The following NTN4 variants were observed in gnomAD, a reference collection of about 807,000 sequenced individuals.
NTN4 encodes the protein netrin 4.
A neutral mutation model predicts 73.6 loss-of-function variants in NTN4; 32 were observed. The observed-to-expected ratio is 0.44, with a 90% confidence interval of 0.33 to 0.58. The LOEUF is 0.58. NTN4 is among the 20% of genes least tolerant of loss of function. The probability of loss-of-function intolerance (pLI) is 0.04; values close to 1 mark genes in which losing one functional copy is unlikely to be tolerated. For synonymous variants in NTN4, 258 were observed against 287.5 expected, an observed-to-expected ratio of 0.90 and a Z score of 1.04; for missense variants, 654 against 798.3, an observed-to-expected ratio of 0.82 and a Z score of 2.18.
At chr12:95,674,864 A>G in intron 7 of NTN4, among the ~76,000 whole-genome samples, 1 of 152,228 alleles carries the variant, frequency 6.6e-6, no homozygotes, top group Non-Finnish European at 1.5e-5. Flanking sequence ...TGCTGTGGAC[A>G]TGAGAGTCTG....
intron 3 of NTN4, among the ~76,000 whole-genome samples, chr12:95,714,258 T>C (rs2078589399): frequency 6.6e-6 from 1 of 152,178 alleles, no homozygotes; most frequent in Non-Finnish European, 1.5e-5. Flanking sequence ...TAACTGAGAC[T>C]TGCAATGAAT....
chr12:95,708,963 G>C (rs2078541898), intron 5 of NTN4, among the ~76,000 whole-genome samples: 1 of 152,278 alleles, frequency 6.6e-6, no homozygotes, highest in Non-Finnish European at 1.5e-5. Flanking sequence ...AGGAGCAGGA[G>C]TAAAACAGGA....
intron 2 of NTN4, among the ~76,000 whole-genome samples, chr12:95,780,830 T>C (rs2079127262): frequency 6.6e-6 from 1 of 152,244 alleles, no homozygotes; most frequent in African/African-American, 2.4e-5. Context: ...TAAGTCATGC[T>C]GCTATAAAGA....
rs2078579149 is a variant in NTN4, at chr12:95,713,223, T to C, written c.980A>G (p.Asn327Ser). 1.9e-6 allele frequency: 3 copies of C among 1,613,458 alleles called. No individual in the cohort carries two copies. Among genetic ancestry groups the C allele is most frequent in the East Asian group, 4.5e-5 (2 of 44,854 alleles). The change falls in exon 4 of 10, where the codon AAC becomes AGC. Residue 327 changes from asparagine (N) to serine (S), a missense_variant. Physicochemically the swap from Asn to Ser is conservative, Grantham distance 46. Transcript: ENST00000343702. Reference protein sequence around the residue: ...EAADGKTGAPNECRTCKCNGH... With the variant: ...EAADGKTGAPSECRTCKCNGH... ...GGCTTGTTACTTACTTCTGCACTCG[T>C]TGGGAGCCCCCGTTTTGCCATCAGC...
rs1259380825 is a variant in NTN4, at chr12:95,787,128, C to T, written c.396G>A (p.Val132=). The T allele has an allele frequency of 6.2e-7, 1 of 1,614,076 alleles. No individual in the cohort carries two copies. The highest frequency in any genetic ancestry group is 1.3e-5 in the African/African-American group (1 of 74,916). Residue 132 remains valine, a synonymous_variant, in exon 2 of 10, where the codon GTG becomes GTA. Transcript: ENST00000343702. ...EAEFYFTHLI[V]MFKSPRPAAM... ...CAGCCGGCCTGGGGGACTTGAACAT[C>T]ACAATTAGGTGAGTGAAGTAGAATT...
rs544903169 is a variant in NTN4 at position 95,750,117 on chromosome 12, G to A, written c.586-11973C>T. On this transcript the variant is annotated intron_variant, in intron 2 of 9. Transcript: ENST00000343702. ...CTGCGCCCCAATCCCTTATTTCCACGCCCCTACCTCTTATCTCTGCGCCCC... is the reference window on the plus strand; with the variant it reads ...CTGCGCCCCAATCCCTTATTTCCACACCCCTACCTCTTATCTCTGCGCCCC... 3.3e-4 allele frequency among the ~76,000 whole-genome samples: 49 copies of A among 150,408 alleles called. No homozygotes were observed. The South Asian group carries it at 4.7e-3, about 14-fold the overall frequency.
chr12:95,754,614 C>T (rs2078935026), intron 2 of NTN4, among the ~76,000 whole-genome samples: 1 of 152,132 alleles, frequency 6.6e-6, no homozygotes, highest in African/African-American at 2.4e-5. Flanking sequence ...TGTTCCTGCC[C>T]CACCTTAACT....
intron 8 of NTN4, among the ~76,000 whole-genome samples, chr12:95,668,008 C>T (rs1043329841): frequency 1.3e-5 from 2 of 152,126 alleles, no homozygotes; most frequent in Admixed American, 1.3e-4. Context: ...TAGTGCCCGG[C>T]GTGTGGCTAA....
In NTN4 at chr12:95,755,666, G is replaced by A. The variant is rs186969990; in HGVS notation, c.586-17522C>T. Among the ~76,000 whole-genome samples the A allele has an allele frequency of 9.4e-4, 143 of 152,286 alleles. 2 individuals carry two copies. In the East Asian group the frequency reaches 0.021, roughly 23 times the overall value. The stretch of plus-strand genomic sequence containing the variant: ...ATATAACCTAATAAAGCTCTCAATG[G>A]AGCAAGCTGAAGAATGCAGTGCACT... On this transcript the variant is annotated intron_variant, in intron 2 of 9. Coordinates refer to ENST00000343702, the MANE Select transcript of NTN4 (RefSeq NM_021229.4).
chr12:95,785,099 G>A (rs2079158193), intron 2 of NTN4, among the ~76,000 whole-genome samples: 2 of 152,058 alleles, frequency 1.3e-5, no homozygotes, highest in African/African-American at 4.8e-5. Flanking sequence ...GATAAACAAG[G>A]CCCAGTAGAG....
At position 95,787,003 on chromosome 12, in the gene NTN4, A is replaced by T. The variant is rs151141571; in HGVS notation, c.521T>A (p.Val174Asp). 6.2e-7 allele frequency: 1 copy of T among 1,614,088 alleles called. No individual in the cohort carries two copies. Among genetic ancestry groups the T allele is most frequent in the African/African-American group, 1.3e-5 (1 of 74,924 alleles). ...AGTACAAATAGCGCCCTTCTTGACAACATCATCTTCCAGGCCAAATGTAGC... is the reference window on the plus strand; with the variant it reads ...AGTACAAATAGCGCCCTTCTTGACATCATCATCTTCCAGGCCAAATGTAGC... ...CSATFGLEDD[V>D]VKKGAICTSK... Residue 174 changes from valine to aspartate, a missense_variant, in exon 2 of 10, where the codon GTT (valine) becomes GAT (aspartate). Val to Asp is a radical substitution (Grantham distance 152). Coordinates refer to ENST00000343702, the MANE Select transcript of NTN4 (RefSeq NM_021229.4).
intron 2 of NTN4, among the ~76,000 whole-genome samples, chr12:95,785,483 ACAGT>A (rs2079160435): frequency 6.6e-6 from 1 of 152,208 alleles, no homozygotes; most frequent in Non-Finnish European, 1.5e-5. Flanking sequence ...AGAATGGAAA[ACAGT>A]CAGTGTGCTG....
At chr12:95,688,350 G>A (rs914890940) in intron 5 of NTN4, among the ~76,000 whole-genome samples, 4 of 152,218 alleles carry the variant, frequency 2.6e-5, no homozygotes, top group Non-Finnish European at 5.9e-5. Flanking sequence ...AATAGAAGTC[G>A]GGGAAGATTT....
At chr12:95,776,968 G>A (rs1232234940) in intron 2 of NTN4, among the ~76,000 whole-genome samples, 3 of 152,012 alleles carry the variant, frequency 2.0e-5, no homozygotes, top group Non-Finnish European at 4.4e-5. Flanking sequence ...ATCTCTTGGT[G>A]GAAACTCTGC....
chr12:95,766,221 C>A (rs1438525669), intron 2 of NTN4, among the ~76,000 whole-genome samples: 1 of 152,220 alleles, frequency 6.6e-6, no homozygotes, highest in African/African-American at 2.4e-5. Context: ...AAATTATGGG[C>A]TCCTGCCTAG....
intron 2 of NTN4, among the ~76,000 whole-genome samples, chr12:95,761,718 C>A (rs143035987): frequency 3.0e-3 from 450 of 152,266 alleles, no homozygotes; most frequent in Admixed American, 5.0e-3. Context: ...AAAACCTGGT[C>A]ACACTAGGAA....
chr12:95,673,970 T>C (rs1592656218), intron 7 of NTN4: 1 of 152,112 alleles, frequency 6.6e-6, no homozygotes, highest in Non-Finnish European at 1.5e-5. Flanking sequence ...GGAATGAGTA[T>C]AATAAAGGAG....
chr12:95,755,185 A>C (rs2078939456), intron 2 of NTN4, among the ~76,000 whole-genome samples: 1 of 152,246 alleles, frequency 6.6e-6, no homozygotes, highest in Non-Finnish European at 1.5e-5. Flanking sequence ...GTTATACTTC[A>C]ATTGACTCGT....
chr12:95,674,423 G>A (rs1252783702), intron 7 of NTN4, among the ~76,000 whole-genome samples: 1 of 151,892 alleles, frequency 6.6e-6, no homozygotes, highest in Non-Finnish European at 1.5e-5. Context: ...AACAATATTT[G>A]TTGATCAGGC....
Sources: gnomAD v4.1 joint callset for allele counts (sites outside exome capture counted in the v4.1 genomes callset) on GRCh38, gnomAD v4.1.1 for gene constraint, MANE v1.5 for transcripts, NCBI Gene and HGNC (gene_info 2026-07-23, HGNC 2026-07-21) for gene names.